Variants in COL1A2 observed in about 807,000 individuals in gnomAD.
The protein encoded by COL1A2 is collagen type I alpha 2 chain.
Under a neutral mutation model 174.3 loss-of-function variants are expected in COL1A2, and 49 were observed. That is an observed-to-expected ratio of 0.28 (90% confidence interval 0.22 to 0.36). COL1A2 has a LOEUF of 0.36. Ranked by LOEUF, COL1A2 falls within the 10% of genes least tolerant of loss-of-function variation. The pLI is 1.00. For synonymous variants in COL1A2, 655 were observed against 606.6 expected, an observed-to-expected ratio of 1.08 and a Z score of -1.17; for missense variants, 1,438 against 1,822.7, an observed-to-expected ratio of 0.79 and a Z score of 3.84.
intron 46 of COL1A2, 63 bp from the exon 47 acceptor site, chr7:94,426,945 A>C: frequency 6.5e-7 from 1 of 1,532,380 alleles, no homozygotes; most frequent in Non-Finnish European, 9.0e-7. Flanking sequence ...TTTGGAAAAA[A>C]AAAAAAAATA....
In COL1A2 at chr7:94,413,705, G is replaced by C. The variant is rs147074348; in HGVS notation, c.1573G>C (p.Asp525His). Residue 525 changes from aspartate (D) to histidine (H), a missense_variant, in exon 27 of 52, where the codon GAT (aspartate) becomes CAT (histidine). Transcript: ENST00000297268. ...LAGARGAPGPDGNNGAQGPPG... is the reference protein window; with the variant it reads ...LAGARGAPGPHGNNGAQGPPG... ...ATATTTTTAGGGTGCTCCAGGTCCTGATGGAAACAATGGTGCTCAGGGACC... is the reference window on the plus strand; with the variant it reads ...ATATTTTTAGGGTGCTCCAGGTCCTCATGGAAACAATGGTGCTCAGGGACC... 1 of 1,614,222 alleles carries C rather than the reference G, an allele frequency of 6.2e-7. No homozygotes were observed. Among genetic ancestry groups the C allele is most frequent in the Non-Finnish European group, 8.5e-7 (1 of 1,180,042 alleles).
chr7:94,421,301 G>T, intron 38 of COL1A2: 1 of 577,676 alleles, frequency 1.7e-6, no homozygotes, highest in Non-Finnish European at 3.1e-6. Flanking sequence ...CAGTTTAATT[G>T]TAAAGTCGGA....
rs138019868 is a variant in COL1A2 at position 94,416,410 on chromosome 7, A to G, written c.1770A>G (p.Glu590=). ...CTTCTAATCACTTTTTTCAGGGGGA[A>G]CGCGGTCCCCCAGGTGAGAGTGGTG... is the stretch of plus-strand genomic sequence containing the variant. The part of the protein sequence containing the change: ...GLPGPAGPRG[E]RGPPGESGAA... Residue 590 remains glutamate, a synonymous_variant, in exon 31 of 52, where the codon GAA becomes GAG. Transcript: ENST00000297268. 361 of 1,572,018 alleles carry G rather than the reference A, an allele frequency of 2.3e-4. No homozygotes were observed. The highest frequency in any genetic ancestry group is 3.0e-4 in the Non-Finnish European group (352 of 1,157,488).
chr7:94,411,189 T>A, intron 23 of COL1A2, 35 bp downstream of exon 23: 1 of 1,436,684 alleles, frequency 7.0e-7, no homozygotes, highest in South Asian at 1.2e-5. Flanking sequence ...AAATCACACC[T>A]GGCATTACTT....
intron 42 of COL1A2, 76 bp from the exon 43 acceptor site, chr7:94,425,534 C>A (rs192535325): frequency 1.4e-6 from 2 of 1,440,058 alleles, no homozygotes; most frequent in East Asian, 2.3e-5. Context: ...GTGATGAAGA[C>A]AGAGTAGCTA....
chr7:94,414,841 C>G (rs549628377), intron 29 of COL1A2, among the ~76,000 whole-genome samples: 1 of 152,254 alleles, frequency 6.6e-6, no homozygotes, highest in East Asian at 1.9e-4. Context: ...ATACAATTAA[C>G]TAGGCAATGT....
rs145541630 is a variant in COL1A2 at position 94,427,727 on chromosome 7, G to A, written c.3368G>A (p.Arg1123His). The A allele has an allele frequency of 9.3e-6, 15 of 1,614,040 alleles. No individual in the cohort carries two copies. The highest frequency in any genetic ancestry group is 4.4e-5 in the South Asian group (4 of 91,068). The change falls in exon 49 of 52, where the codon CGC becomes CAC. Residue 1123 changes from arginine to histidine, a missense_variant. This residue lies in a region of COL1A2 where 290 missense variants were observed against 298.1 expected (regional missense o/e 0.97). Transcript: ENST00000297268. The part of the protein sequence containing the change: ...DGDFYRADQP[R>H]SAPSLRPKDY... ...GACTTCTACAGGGCTGACCAGCCTC[G>A]CTCAGCACCTTCTCTCAGACCCAAG... is the stretch of plus-strand genomic sequence containing the variant.
chr7:94,407,842 T>G lies in COL1A2; in HGVS notation c.595-5T>G. ...TGAACAAAAACTCAATCCTTCTCCA[T>G]GTAGGGTGAACCTGGTGCCCCTGGT... is the stretch of plus-strand genomic sequence containing the variant. On this transcript the variant is annotated splice_region_variant and splice_polypyrimidine_tract_variant and intron_variant, in intron 12 of 51. Transcript: ENST00000297268. The G allele has an allele frequency of 6.2e-7, 1 of 1,613,778 alleles. No homozygotes were observed. The highest frequency in any genetic ancestry group is 8.5e-7 in the Non-Finnish European group (1 of 1,179,738).
At chr7:94,397,724 A>ACTTTTT in intron 1 of COL1A2, 24 bp from the exon 2 acceptor site, 1 of 1,230,872 alleles carries the variant, frequency 8.1e-7, no homozygotes, top group Non-Finnish European at 1.2e-6. Flanking sequence ...ATTGTTTCCT[A>ACTTTTT]CTTTTTCTTT....
chr7:94,413,209 T>C (rs934778501), intron 26 of COL1A2, 73 bp downstream of exon 26: 1 of 1,376,754 alleles, frequency 7.3e-7, no homozygotes, highest in Middle Eastern at 1.8e-4. Context: ...TTTTACACCA[T>C]CTGATATCAT....
At chr7:94,417,596 C>A in intron 31 of COL1A2, 128 bp from the exon 32 acceptor site, 2 of 768,284 alleles carry the variant, frequency 2.6e-6, no homozygotes, top group Non-Finnish European at 2.3e-6. Flanking sequence ...ATAGCCCAGC[C>A]TTCTTTGTGT....
chr7:94,415,084 T>G, intron 29 of COL1A2, 142 bp from the exon 30 acceptor site: 1 of 728,426 alleles, frequency 1.4e-6, no homozygotes, highest in Non-Finnish European at 2.5e-6. Flanking sequence ...TAAAAGTTGT[T>G]CTTATTAGCC....
chr7:94,404,925 C>T (rs1485146976), intron 9 of COL1A2, 33 bp downstream of exon 9: 4 of 1,610,422 alleles, frequency 2.5e-6, no homozygotes, highest in Non-Finnish European at 3.4e-6. Context: ...TTTCAAAATG[C>T]TATTTAAATA....
At chr7:94,397,524 T>A (rs897753829) in intron 1 of COL1A2, among the ~76,000 whole-genome samples, 1 of 152,066 alleles carries the variant, frequency 6.6e-6, no homozygotes, top group Non-Finnish European at 1.5e-5. Flanking sequence ...TAATTCAAAA[T>A]ACATTTACAT....
Position 94,429,439 on chromosome 7 carries a change from T to C in COL1A2, c.3954+9T>C. On this transcript the variant is annotated intron_variant, in intron 51 of 51. Coordinates refer to ENST00000297268, the MANE Select transcript of COL1A2 (RefSeq NM_000089.4). ...TTGTAGATGGCTGCTCTGTAAGTAA[T>C]AGTGAAATATGGGAATAGCTTTGGG... The C allele has an allele frequency of 1.2e-6, 2 of 1,613,548 alleles. No individual in the cohort carries two copies. The highest frequency in any genetic ancestry group is 1.7e-6 in the Non-Finnish European group (2 of 1,179,904).
intron 11 of COL1A2, 93 bp from the exon 12 acceptor site, chr7:94,406,157 C>A: frequency 7.5e-7 from 1 of 1,335,194 alleles, no homozygotes; most frequent in Admixed American, 1.8e-5. Flanking sequence ...AAGACTTACC[C>A]AAGAGAGATT....
chr7:94,411,335 A>T (rs1464654633), intron 23 of COL1A2, among the ~76,000 whole-genome samples, 181 bp downstream of exon 23: 1 of 152,204 alleles, frequency 6.6e-6, no homozygotes, highest in Non-Finnish European at 1.5e-5. Context: ...TAATTAGTTC[A>T]TAAATTTTCT....
chr7:94,408,629 C>A, intron 15 of COL1A2, 141 bp from the exon 16 acceptor site: 2 of 1,026,654 alleles, frequency 1.9e-6, no homozygotes, highest in South Asian at 1.4e-5. Flanking sequence ...ATCCTAACGA[C>A]AACAGACTGG....
At chr7:94,427,455 G>T in intron 48 of COL1A2, 160 bp downstream of exon 48, 1 of 1,050,916 alleles carries the variant, frequency 9.5e-7, no homozygotes, top group Non-Finnish European at 1.4e-6. Context: ...GGCTTGTTAA[G>T]TCCATCCCTG....
Sources: allele counts gnomAD v4.1 joint callset (sites outside exome capture counted in the v4.1 genomes callset), GRCh38; gene constraint gnomAD v4.1.1; regional missense constraint gnomAD v4.1.1; transcripts MANE v1.5; gene names NCBI Gene and HGNC (gene_info 2026-07-23, HGNC 2026-07-21).